IL16: variants seen among roughly 807,000 people sequenced by gnomAD.
The protein encoded by IL16 is interleukin 16.
A neutral mutation model predicts 110.1 loss-of-function variants in IL16; 67 were observed. That is an observed-to-expected ratio of 0.61 (90% CI 0.50 to 0.75). The LOEUF (loss-of-function observed/expected upper bound fraction) is 0.75, where lower values mean the gene tolerates loss of function less well. Among genes scored for constraint, IL16 ranks in the 30% least tolerant of loss-of-function variants. IL16 has a pLI of 0.00. For synonymous variants in IL16, 689 were observed against 662.9 expected (o/e 1.04, Z -0.61); for missense variants, 1,545 against 1,655.0 (o/e 0.93, Z 1.15).
At chr15:81,196,878 C>T (rs1289716103), upstream of IL16, 2 of 1,156,292 alleles carry the variant, frequency 1.7e-6, no homozygotes, top group Non-Finnish European at 2.2e-6. Flanking sequence ...CCAGGTGGGA[C>T]ACATTTGTCC....
chr15:81,218,977 A>C (rs556551754), intron 1 of IL16, among the ~76,000 whole-genome samples: 1 of 152,084 alleles, frequency 6.6e-6, no homozygotes, highest in East Asian at 1.9e-4. Flanking sequence ...CAATAAGCTA[A>C]GTATCTCTCA....
chr15:81,243,736 G>A (rs1215659423), intron 2 of IL16, among the ~76,000 whole-genome samples: 2 of 151,986 alleles, frequency 1.3e-5, no homozygotes, highest in Admixed American at 6.6e-5. Context: ...GTTCTTAATA[G>A]TTATAGAACT....
rs34522610 is a variant in IL16, at chr15:81,303,015, A to ATGTGTGTGTGTGTGTGTGTGTGTGTG, written c.3319-530_3319-505dup. Reference sequence around the variant, plus strand: ...GTCTAGGCTAGGAAGTACCGTAGTAATGTGTGTGTGTGTGTGTGTGTGTGT... The same window carrying ATGTGTGTGTGTGTGTGTGTGTGTGTG: ...GTCTAGGCTAGGAAGTACCGTAGTAATGTGTGTGTGTGTGTGTGTGTGTGTGTGTGTGTGTGTGTGTGTGTGTGTGT... On this transcript the variant is annotated intron_variant, in intron 15 of 18. Coordinates refer to ENST00000683961, the MANE Select transcript of IL16 (RefSeq NM_172217.5). This position sits in a 1 kb window ranked among gnomAD's most constrained non-coding sequence, Gnocchi z 4.1. 1.1e-4 allele frequency among the ~76,000 whole-genome samples: 16 copies of ATGTGTGTGTGTGTGTGTGTGTGTGTG among 150,038 alleles called. No homozygotes were observed. The highest frequency in any genetic ancestry group is 3.9e-4 in the African/African-American group (16 of 40,564).
intron 9 of IL16, among the ~76,000 whole-genome samples, chr15:81,283,169 A>G (rs1899269831): frequency 6.6e-6 from 1 of 152,132 alleles, no homozygotes; most frequent in Non-Finnish European, 1.5e-5. Context: ...TAAATACCAC[A>G]TCCCGCTGTG....
intron 2 of IL16, among the ~76,000 whole-genome samples, chr15:81,230,829 T>C (rs916334555): frequency 2.6e-5 from 4 of 152,196 alleles, no homozygotes; most frequent in African/African-American, 9.7e-5. Context: ...CTGACTCTCC[T>C]GTCCACCTCT....
rs747359835 is a variant in IL16, at chr15:81,292,588, C to A, written c.1453C>A (p.Arg485=). 6.2e-7 allele frequency: 1 copy of A among 1,605,060 alleles called. No individual in the cohort carries two copies. Among genetic ancestry groups the A allele is most frequent in the African/African-American group, 1.3e-5 (1 of 74,768 alleles). The change falls in exon 12 of 19, where the codon CGG becomes AGG. Residue 485 remains arginine (R), a synonymous_variant. Coordinates refer to ENST00000683961, the MANE Select transcript of IL16 (RefSeq NM_172217.5). ...AAGGCTGGAAAGCAGTTGGCACGGG[C>A]GGCCCACCTTGGAGAAGGAACGAGA... ...VKRLESSWHG[R]PTLEKEREKN...
chr15:81,229,303 A>C (rs1483502625), intron 2 of IL16, among the ~76,000 whole-genome samples: 2 of 151,746 alleles, frequency 1.3e-5, no homozygotes, highest in East Asian at 3.9e-4. Context: ...GTCCTGGGGG[A>C]GGTGGCTGTT....
At chr15:81,220,180 G>C (rs1016909151) in intron 1 of IL16, among the ~76,000 whole-genome samples, 2 of 152,138 alleles carry the variant, frequency 1.3e-5, no homozygotes, top group African/African-American at 4.8e-5. Context: ...TGTTGCCCAG[G>C]CTGGAGTGCA....
chr15:81,280,827 A>G (rs956094563), intron 8 of IL16, among the ~76,000 whole-genome samples: 5 of 152,214 alleles, frequency 3.3e-5, no homozygotes, highest in Non-Finnish European at 5.9e-5. Context: ...CTGTGCTGGC[A>G]TGGTCCCAAC....
intron 3 of IL16, among the ~76,000 whole-genome samples, chr15:81,263,242 A>AT (rs1274072211): frequency 6.6e-6 from 1 of 152,032 alleles, no homozygotes; most frequent in Non-Finnish European, 1.5e-5. Flanking sequence ...GGATTTTTCC[A>AT]TTTTGTAATT....
intron 1 of IL16, among the ~76,000 whole-genome samples, chr15:81,204,182 G>A (rs955372069): frequency 6.6e-6 from 1 of 152,186 alleles, no homozygotes; most frequent in Non-Finnish European, 1.5e-5. Context: ...TGTATCCTGA[G>A]ACTTTGCTGA....
intron 3 of IL16, among the ~76,000 whole-genome samples, chr15:81,261,164 T>C (rs897476279): frequency 1.3e-5 from 2 of 152,240 alleles, no homozygotes; most frequent in African/African-American, 4.8e-5. Flanking sequence ...ATACAATTGG[T>C]AGGACTCACT....
intron 1 of IL16, among the ~76,000 whole-genome samples, chr15:81,200,455 G>A (rs1383211311): frequency 1.3e-5 from 2 of 152,070 alleles, no homozygotes; most frequent in African/African-American, 4.8e-5. Context: ...CTGCAGCCTT[G>A]ACTCCGTGAG....
chr15:81,259,974 T>C, intron 3 of IL16, 94 bp downstream of exon 3: 2 of 792,832 alleles, frequency 2.5e-6, no homozygotes, highest in Non-Finnish European at 2.2e-6. Flanking sequence ...TCTGGTCCAG[T>C]TGGAGTAAAC....
intron 14 of IL16, among the ~76,000 whole-genome samples, chr15:81,301,140 T>C (rs1006542339): frequency 1.3e-5 from 2 of 152,244 alleles, no homozygotes; most frequent in African/African-American, 4.8e-5. Flanking sequence ...TAGCTCTGCA[T>C]TTATTAGTTT....
intron 1 of IL16, among the ~76,000 whole-genome samples, chr15:81,199,415 G>A (rs76944019): frequency 1.5e-3 from 224 of 152,318 alleles, no homozygotes; most frequent in African/African-American, 5.2e-3. Context: ...GTGGAAGGGC[G>A]GAGCCCATCA....
In IL16 at chr15:81,313,137, A is replaced by C; in HGVS notation, c.*4339A>C. 3.2e-6 allele frequency: 4 copies of C among 1,242,634 alleles called. No homozygotes were observed. Among genetic ancestry groups the C allele is most frequent in the Non-Finnish European group, 4.3e-6 (4 of 930,912 alleles). The allele number at this position is 1,242,634 out of a possible 1,614,324, so 77.0% of individuals were successfully genotyped here. ...TGGCATTCTCAGAGATGCGCAGTCC[A>C]TCAGCTTGTTCCAAAGAGTGAACAC... On this transcript the variant is annotated 3_prime_UTR_variant, in exon 19 of 19. Transcript: ENST00000683961.
At chr15:81,206,345 G>T (rs1178566553) in intron 1 of IL16, among the ~76,000 whole-genome samples, 1 of 152,152 alleles carries the variant, frequency 6.6e-6, no homozygotes, top group African/African-American at 2.4e-5. Flanking sequence ...TAACACAGTG[G>T]TAAGTATTTG....
At position 81,303,657 on chromosome 15, in the gene IL16, G is replaced by A. The variant is rs747647672; in HGVS notation, c.3420+7G>A. 1 of 1,590,760 alleles carries A rather than the reference G, an allele frequency of 6.3e-7. No homozygotes were observed. Among genetic ancestry groups the A allele is most frequent in the Non-Finnish European group, 8.6e-7 (1 of 1,158,742 alleles). On this transcript the variant is annotated splice_region_variant and intron_variant, in intron 16 of 18. Transcript: ENST00000683961. The surrounding 1 kb of genome is among the most constrained non-coding windows in gnomAD (Gnocchi z 4.1). ...AGAAAACAAGGTGATTACGGTGAGTGGCCAAGTGAAGGGGCATGTCACAGC... is the reference window on the plus strand; with the variant it reads ...AGAAAACAAGGTGATTACGGTGAGTAGCCAAGTGAAGGGGCATGTCACAGC...
Sources: allele counts gnomAD v4.1 joint callset (sites outside exome capture counted in the v4.1 genomes callset), GRCh38; gene constraint gnomAD v4.1.1; non-coding constraint Gnocchi (gnomAD v3.1); transcripts MANE v1.5; gene names NCBI Gene and HGNC (gene_info 2026-07-23, HGNC 2026-07-21).